FAT4: variants seen among roughly 807,000 people sequenced by gnomAD.
FAT4 encodes protocadherin Fat 4.
A neutral mutation model predicts 303.9 loss-of-function variants in FAT4; 84 were observed. That is an observed-to-expected ratio of 0.28 (90% CI 0.23 to 0.33). The LOEUF (loss-of-function observed/expected upper bound fraction) is 0.33. Ranked by LOEUF, FAT4 falls within the 10% of genes least tolerant of loss-of-function variation. FAT4 has a pLI of 1.00. For missense variants in FAT4, 6,005 were observed against 6,146.8 expected, an observed-to-expected ratio of 0.98 and a Z score of 0.77; for synonymous variants, 2,307 against 2,298.8, an observed-to-expected ratio of 1.00 and a Z score of -0.10.
chr4:125,375,189 G>T (rs1424607159), intron 2 of FAT4, among the ~76,000 whole-genome samples: 1 of 152,158 alleles, frequency 6.6e-6, no homozygotes, highest in African/African-American at 2.4e-5. Flanking sequence ...CAAAACCAAA[G>T]AAAGGAGAGT....
At chr4:125,352,375 C>T (rs2710548) in intron 2 of FAT4, among the ~76,000 whole-genome samples, 87,133 of 151,210 alleles carry the variant, frequency 0.58, 25,234 homozygotes, top group Admixed American at 0.66. Context: ...AGTGTAACAG[C>T]TTTAAATGAT....
chr4:125,317,340 C>T lies in FAT4; in HGVS notation c.929C>T (p.Pro310Leu). Residue 310 changes from proline (P) to leucine (L), a missense_variant, in exon 2 of 18, where the codon CCC becomes CTC. By Grantham distance (98) the Pro-to-Leu change is moderately conservative. Coordinates refer to ENST00000394329, the MANE Select transcript of FAT4 (RefSeq NM_001291303.3). The surrounding 1 kb of genome is among the most constrained non-coding windows in gnomAD (Gnocchi z 7.0). ...PETGLITVRE[P>L]LDFEARRQYS... Reference sequence around the variant, plus strand: ...ACGGGACTTATCACGGTGCGGGAGCCCCTGGACTTCGAAGCTCGGCGCCAA... The same window carrying T: ...ACGGGACTTATCACGGTGCGGGAGCTCCTGGACTTCGAAGCTCGGCGCCAA... 1.9e-6 allele frequency: 3 copies of T among 1,612,536 alleles called. No homozygotes were observed. Among genetic ancestry groups the T allele is most frequent in the Non-Finnish European group, 2.5e-6 (3 of 1,179,424 alleles).
chr4:125,331,257 C>G lies in FAT4; in HGVS notation c.5175+9671C>G, dbSNP rs1731370700. On this transcript the variant is annotated intron_variant, in intron 2 of 17. Transcript: ENST00000394329. ...CACAGCACCTACAGTGTGGCTGGCT[C>G]TAGGCAGATGCTCAGTAAATCATTG... Among the ~76,000 whole-genome samples the G allele has an allele frequency of 2.0e-5, 3 of 152,150 alleles. No homozygotes were observed. In the South Asian group the frequency reaches 6.2e-4, roughly 31 times the overall value.
At chr4:125,405,905 C>T (rs577020590) in intron 3 of FAT4, among the ~76,000 whole-genome samples, 5 of 152,120 alleles carry the variant, frequency 3.3e-5, no homozygotes, top group Admixed American at 2.0e-4. Flanking sequence ...TGTTGTAGGA[C>T]TTATTTATAT....
chr4:125,402,638 T>C (rs758383683), intron 3 of FAT4, among the ~76,000 whole-genome samples: 9 of 151,994 alleles, frequency 5.9e-5, no homozygotes, highest in Non-Finnish European at 8.8e-5. Flanking sequence ...GGAATATTTT[T>C]GCTTTAGACT....
intron 10 of FAT4, among the ~76,000 whole-genome samples, 157 bp downstream of exon 10, chr4:125,452,967 C>T (rs1194107238): frequency 6.6e-6 from 1 of 152,122 alleles, no homozygotes; most frequent in African/African-American, 2.4e-5. Flanking sequence ...CTGTTCTAAG[C>T]ACTTTTTATG....
rs1483228064 is a variant in FAT4, at chr4:125,317,341, C to T, written c.930C>T (p.Pro310=). Residue 310 remains proline, a synonymous_variant, in exon 2 of 18, where the codon CCC becomes CCT. Transcript: ENST00000394329. The surrounding 1 kb of genome is among the most constrained non-coding windows in gnomAD (Gnocchi z 7.0). ...PETGLITVRE[P]LDFEARRQYS... ...CGGGACTTATCACGGTGCGGGAGCC[C>T]CTGGACTTCGAAGCTCGGCGCCAAT... 1.9e-6 allele frequency: 3 copies of T among 1,612,602 alleles called. No individual in the cohort carries two copies. The South Asian group carries it at 3.3e-5, about 18-fold the overall frequency.
intron 8 of FAT4, among the ~76,000 whole-genome samples, chr4:125,443,093 A>G (rs1251374295): frequency 6.6e-6 from 1 of 152,148 alleles, no homozygotes; most frequent in Non-Finnish European, 1.5e-5. Context: ...CTCTTAACTA[A>G]ATGATCATAT....
chr4:125,366,756 C>T (rs1732902579), intron 2 of FAT4, among the ~76,000 whole-genome samples: 1 of 151,966 alleles, frequency 6.6e-6, no homozygotes, highest in African/African-American at 2.4e-5. Flanking sequence ...AGCTTGCCAG[C>T]ATCTGTTATT....
chr4:125,395,951 GT>G (rs1186098797), intron 2 of FAT4, among the ~76,000 whole-genome samples: 1 of 152,224 alleles, frequency 6.6e-6, no homozygotes, highest in African/African-American at 2.4e-5. Flanking sequence ...CCCTAGTTTA[GT>G]TTTTTAAAAA....
intron 2 of FAT4, among the ~76,000 whole-genome samples, chr4:125,370,243 T>G (rs934514047): frequency 6.6e-6 from 1 of 152,216 alleles, no homozygotes; most frequent in Non-Finnish European, 1.5e-5. Flanking sequence ...TAATAGCTAT[T>G]AAGCACTTGT....
At chr4:125,349,009 T>A (rs2125975994) in intron 2 of FAT4, among the ~76,000 whole-genome samples, 1 of 151,814 alleles carries the variant, frequency 6.6e-6, no homozygotes, top group East Asian at 1.9e-4. Context: ...ATCTATGCAT[T>A]GGGGATGTTG....
At chr4:125,439,891 A>C (rs2126048722) in intron 8 of FAT4, among the ~76,000 whole-genome samples, 1 of 152,288 alleles carries the variant, frequency 6.6e-6, no homozygotes, top group Non-Finnish European at 1.5e-5. Context: ...TCAAAGGCTT[A>C]GTTTCTGCAT....
chr4:125,420,842 G>A (rs1340394151), intron 7 of FAT4, among the ~76,000 whole-genome samples: 1 of 152,158 alleles, frequency 6.6e-6, no homozygotes, highest in Non-Finnish European at 1.5e-5. Context: ...GCTACTCTGT[G>A]CTTTACTATC....
At chr4:125,346,945 G>T (rs916750483) in intron 2 of FAT4, among the ~76,000 whole-genome samples, 1 of 151,914 alleles carries the variant, frequency 6.6e-6, no homozygotes. Context: ...TTGTGAAAGT[G>T]TTACCCTCTC....
At chr4:125,396,629 C>T (rs1305466548) in intron 2 of FAT4, among the ~76,000 whole-genome samples, 6 of 152,048 alleles carry the variant, frequency 3.9e-5, no homozygotes, top group South Asian at 4.1e-4. Context: ...TACATGCACA[C>T]GCATGCATGC....
In FAT4 at chr4:125,317,320, A is replaced by G; in HGVS notation, c.909A>G (p.Gly303=). 1 of 1,608,938 alleles carries G rather than the reference A, an allele frequency of 6.2e-7. No homozygotes were observed. Among genetic ancestry groups the G allele is most frequent in the Non-Finnish European group, 8.5e-7 (1 of 1,176,730 alleles). Residue 303 remains glycine (G), a synonymous_variant, in exon 2 of 18, where the codon GGA becomes GGG. Transcript: ENST00000394329. This position sits in a 1 kb window ranked among gnomAD's most constrained non-coding sequence, Gnocchi z 7.0. Reference sequence around the variant, plus strand: ...CCTTCCAAATGGACCCTGAGACGGGACTTATCACGGTGCGGGAGCCCCTGG... The same window carrying G: ...CCTTCCAAATGGACCCTGAGACGGGGCTTATCACGGTGCGGGAGCCCCTGG... ...GTPFQMDPET[G]LITVREPLDF...
At chr4:125,399,226 T>C (rs1457314507) in intron 3 of FAT4, among the ~76,000 whole-genome samples, 2 of 152,096 alleles carry the variant, frequency 1.3e-5, no homozygotes, top group Non-Finnish European at 2.9e-5. Flanking sequence ...GCCATTATTA[T>C]TCCCCTTTGC....
At chr4:125,439,654 A>G (rs1452885607) in intron 8 of FAT4, among the ~76,000 whole-genome samples, 1 of 151,976 alleles carries the variant, frequency 6.6e-6, no homozygotes, top group African/African-American at 2.4e-5. Flanking sequence ...AAATTTCTTA[A>G]TATGTGCTAT....
Sources: allele counts gnomAD v4.1 joint callset (sites outside exome capture counted in the v4.1 genomes callset), GRCh38; gene constraint gnomAD v4.1.1; non-coding constraint Gnocchi (gnomAD v3.1); transcripts MANE v1.5; gene names NCBI Gene and HGNC (gene_info 2026-07-23, HGNC 2026-07-21).